Variants in TNFSF4 observed in about 807,000 individuals in gnomAD.
TNFSF4 encodes the protein tumor necrosis factor ligand superfamily member 4.
TNFSF4 carries 4 observed loss-of-function variants against 7.3 expected under a neutral mutation model. The observed-to-expected ratio is 0.55, with a 90% CI of 0.27 to 1.25. TNFSF4 has a LOEUF of 1.25. Among genes scored for constraint, TNFSF4 ranks in the 50% most tolerant of loss-of-function variants. TNFSF4 has a pLI of 0.12. For synonymous variants in TNFSF4, 76 were observed against 83.7 expected, an observed-to-expected ratio of 0.91 and a Z score of 0.50; for missense variants, 181 against 208.8, an observed-to-expected ratio of 0.87 and a Z score of 0.82.
chr1:173,395,037 T>TGATAGATA, the TNFSF4 span, among the ~76,000 whole-genome samples: 2,883 of 93,916 alleles, frequency 0.031, 73 homozygotes, highest in East Asian at 0.045. Context: ...GATAGATAGA[T>TGATAGATA]GATAGATAGA....
the TNFSF4 span, chr1:173,363,516 A>C: frequency 2.2e-6 from 1 of 453,112 alleles, no homozygotes; most frequent in Middle Eastern, 3.8e-4. Context: ...ATCAAATCTT[A>C]CCTTTAAGAT....
chr1:173,205,299 G>C, intron 1 of TNFSF4: 1 of 1,612,042 alleles, frequency 6.2e-7, no homozygotes, highest in Non-Finnish European at 8.5e-7. Context: ...TTCTCCCCTA[G>C]AGATCACTCA....
chr1:173,344,186 C>T, the TNFSF4 span, among the ~76,000 whole-genome samples: 2 of 152,224 alleles, frequency 1.3e-5, no homozygotes, highest in Admixed American at 6.5e-5. Context: ...AATACCAGCA[C>T]GAGACCACAC....
chr1:173,271,013 C>A, the TNFSF4 span, among the ~76,000 whole-genome samples: 1 of 152,100 alleles, frequency 6.6e-6, no homozygotes, highest in Non-Finnish European at 1.5e-5. Context: ...GTTTAAGCCA[C>A]TTTTGTAAGT....
chr1:173,415,073 T>C, the TNFSF4 span, among the ~76,000 whole-genome samples: 1 of 152,252 alleles, frequency 6.6e-6, no homozygotes, highest in Non-Finnish European at 1.5e-5. Context: ...AGCGTGCTGA[T>C]TGGCTGTAAA....
intron 2 of TNFSF4, among the ~76,000 whole-genome samples, chr1:173,187,463 C>T (rs1373825225): frequency 6.6e-6 from 1 of 152,198 alleles, no homozygotes; most frequent in African/African-American, 2.4e-5. Context: ...TTTCCACATG[C>T]CCCAGGCATT....
the TNFSF4 span, among the ~76,000 whole-genome samples, chr1:173,234,252 G>C: frequency 1.3e-5 from 2 of 152,096 alleles, no homozygotes; most frequent in Non-Finnish European, 2.9e-5. Flanking sequence ...AATGAGATAC[G>C]ATCTCACACC....
chr1:173,194,044 A>G (rs1649594582), intron 1 of TNFSF4, among the ~76,000 whole-genome samples: 1 of 152,218 alleles, frequency 6.6e-6, no homozygotes, highest in Admixed American at 6.5e-5. Context: ...TCATTTTTAC[A>G]AGTAACCAAG....
At chr1:173,328,922 C>T in the TNFSF4 span, among the ~76,000 whole-genome samples, 10 of 152,216 alleles carry the variant, frequency 6.6e-5, no homozygotes, top group Non-Finnish European at 1.3e-4. Context: ...TTCCACCACA[C>T]GTGGAAAGCC....
the TNFSF4 span, among the ~76,000 whole-genome samples, chr1:173,220,613 T>A: frequency 6.6e-6 from 1 of 152,116 alleles, no homozygotes; most frequent in Admixed American, 6.5e-5. Context: ...GTCATGAGGG[T>A]GGGGGTGCCA....
At chr1:173,188,608 A>G (rs201421456) in intron 1 of TNFSF4, 39 bp from the exon 2 acceptor site, 2 of 1,546,064 alleles carry the variant, frequency 1.3e-6, no homozygotes, top group Admixed American at 1.7e-5. Context: ...GGAAAAAAAC[A>G]TGAACAAATG....
At chr1:173,222,936 T>C in the TNFSF4 span, among the ~76,000 whole-genome samples, 9 of 152,188 alleles carry the variant, frequency 5.9e-5, no homozygotes, top group African/African-American at 2.2e-4. Flanking sequence ...GGCCCATCCT[T>C]GACAAGGCTT....
At chr1:173,426,281 A>T in the TNFSF4 span, among the ~76,000 whole-genome samples, 2 of 152,190 alleles carry the variant, frequency 1.3e-5, no homozygotes, top group African/African-American at 2.4e-5. Context: ...CCTTTGTCAG[A>T]TATGGGAACT....
At chr1:173,213,858 T>C in the TNFSF4 span, among the ~76,000 whole-genome samples, 1 of 152,268 alleles carries the variant, frequency 6.6e-6, no homozygotes, top group South Asian at 2.1e-4. Flanking sequence ...CAACTAAGGG[T>C]AGATTTGCCC....
the TNFSF4 span, among the ~76,000 whole-genome samples, chr1:173,243,907 T>TGTG: frequency 6.6e-6 from 1 of 152,246 alleles, no homozygotes; most frequent in African/African-American, 2.4e-5. Context: ...ATCATTGCTC[T>TGTG]GTCACCTTAG....
the TNFSF4 span, among the ~76,000 whole-genome samples, chr1:173,250,617 G>T: frequency 6.6e-6 from 1 of 151,958 alleles, no homozygotes; most frequent in Non-Finnish European, 1.5e-5. Flanking sequence ...CTGCCACCAC[G>T]CCCGGCTAAG....
the TNFSF4 span, among the ~76,000 whole-genome samples, chr1:173,394,216 TAAAAAAAAAA>T: frequency 8.9e-5 from 10 of 112,610 alleles, no homozygotes; most frequent in Admixed American, 8.4e-4. Flanking sequence ...ACTCCATCTT[TAAAAAAAAAA>T]AAAAAAAAAA....
the TNFSF4 span, among the ~76,000 whole-genome samples, chr1:173,300,285 T>C: frequency 5.6e-4 from 85 of 151,742 alleles, no homozygotes; most frequent in African/African-American, 1.9e-3. Flanking sequence ...GGCCTACCCA[T>C]ATTGGGAGTC....
At chr1:173,190,732 G>T (rs1649442482) in intron 1 of TNFSF4, among the ~76,000 whole-genome samples, 1 of 152,186 alleles carries the variant, frequency 6.6e-6, no homozygotes, top group African/African-American at 2.4e-5. Context: ...ACTGCTCTCT[G>T]GGCTAAGTGC....
Sources: gnomAD v4.1 joint callset for allele counts (sites outside exome capture counted in the v4.1 genomes callset) on GRCh38, gnomAD v4.1.1 for gene constraint, MANE v1.5 for transcripts, NCBI Gene and HGNC (gene_info 2026-07-23, HGNC 2026-07-21) for gene names.